EIF2S3B: variants seen among roughly 807,000 people sequenced by gnomAD.
The protein encoded by EIF2S3B is eukaryotic translation initiation factor 2 subunit 3B.
A neutral mutation model predicts 26.4 loss-of-function variants in EIF2S3B; 16 were observed. That is an observed-to-expected ratio of 0.61 (90% CI 0.41 to 0.92). EIF2S3B has a LOEUF of 0.92. Ranked by LOEUF, EIF2S3B falls within the 40% of genes least tolerant of loss-of-function variation. EIF2S3B has a pLI of 0.00. For missense variants in EIF2S3B, 510 were observed against 575.5 expected (o/e 0.89, Z 1.16); for synonymous variants, 183 against 204.4 (o/e 0.90, Z 0.89).
chr12:10,520,175 C>T (rs1864814885), intron 1 of EIF2S3B, among the ~76,000 whole-genome samples: 1 of 151,428 alleles, frequency 6.6e-6, no homozygotes, highest in Non-Finnish European at 1.5e-5. Context: ...GAATACTATG[C>T]AGCCATAAAA....
At chr12:10,515,052 T>A (rs1288851741) in intron 1 of EIF2S3B, among the ~76,000 whole-genome samples, 1 of 152,070 alleles carries the variant, frequency 6.6e-6, no homozygotes, top group Admixed American at 6.6e-5. Flanking sequence ...CCAAATCAAT[T>A]TCTAGCCACA....
chr12:10,518,160 T>C (rs1482952145), intron 1 of EIF2S3B, among the ~76,000 whole-genome samples: 3 of 152,140 alleles, frequency 2.0e-5, no homozygotes, highest in African/African-American at 7.2e-5. Flanking sequence ...AATTCCTGGG[T>C]ATACTTGTTA....
intron 1 of EIF2S3B, among the ~76,000 whole-genome samples, chr12:10,522,039 T>C (rs1864837942): frequency 6.6e-6 from 1 of 152,252 alleles, no homozygotes; most frequent in Non-Finnish European, 1.5e-5. Context: ...ATGTTAATAT[T>C]ATACTAAAAC....
exon 2 of EIF2S3B, chr12:10,522,717 G>GA (rs1382793470): frequency 1.5e-6 from 1 of 681,806 alleles, no homozygotes; most frequent in Non-Finnish European, 2.7e-6. Flanking sequence ...TTTCTTTAAA[G>GA]AAAAAAGACA....
chr12:10,513,807 G>C (rs1196787410), intron 1 of EIF2S3B, among the ~76,000 whole-genome samples: 1 of 152,160 alleles, frequency 6.6e-6, no homozygotes, highest in East Asian at 1.9e-4. Context: ...TTGAGGTCAG[G>C]AGTTCAAGAC....
exon 2 of EIF2S3B, chr12:10,522,888 T>C: frequency 9.4e-6 from 4 of 425,070 alleles, no homozygotes; most frequent in Non-Finnish European, 1.7e-5. Context: ...ATGTTTATTA[T>C]TTATATCAGT....
At chr12:10,512,930 T>C (rs74241103), downstream of EIF2S3B, among the ~76,000 whole-genome samples, 53 of 152,328 alleles carry the variant, frequency 3.5e-4, no homozygotes, top group East Asian at 4.0e-3. Flanking sequence ...TCACAATATT[T>C]CATTCATAAG....
Position 10,507,927 on chromosome 12 carries a change from C to A in EIF2S3B, c.*606C>A, listed in dbSNP as rs59481893. On this transcript the variant is annotated 3_prime_UTR_variant, in exon 1 of 1. Coordinates refer to ENST00000538173, the MANE Select transcript of EIF2S3B (RefSeq NM_001357734.3). ...GAAATGAAACTTTGCCACAACCAGC[C>A]TTTGCTGTAGCACACACATATATCA... 0.039 allele frequency among the ~76,000 whole-genome samples: 5,949 copies of A among 152,254 alleles called. 398 individuals carry two copies. The highest frequency in any genetic ancestry group is 0.13 in the African/African-American group (5,585 of 41,514).
downstream of EIF2S3B, among the ~76,000 whole-genome samples, chr12:10,512,148 A>G (rs141252444): frequency 1.4e-3 from 213 of 152,312 alleles, 1 homozygote; most frequent in African/African-American, 4.8e-3. Context: ...CCTTATAACT[A>G]ATCAATTATC....
rs1464562004 is a variant in EIF2S3B at position 10,506,248 on chromosome 12, G to T, written c.346G>T (p.Asp116Tyr). Residue 116 changes from aspartate (D) to tyrosine (Y), a missense_variant, in exon 1 of 1, where the codon GAC becomes TAC. By Grantham distance (160) the Asp-to-Tyr change is radical (BLOSUM62 -3). Coordinates refer to ENST00000538173, the MANE Select transcript of EIF2S3B (RefSeq NM_001357734.3). ...GSSMPDEFPT[D>Y]IPGTKGNFRL... ...CAGTATGCCTGATGAGTTTCCTACA[G>T]ACATTCCAGGAACCAAAGGGAACTT... The T allele has an allele frequency of 6.2e-7, 1 of 1,609,644 alleles. No individual in the cohort carries two copies. The highest frequency in any genetic ancestry group is 1.7e-5 in the Admixed American group (1 of 59,998).
rs11053826 is a variant in EIF2S3B, at chr12:10,506,629, A to T, written c.727A>T (p.Ile243Phe). Reference sequence around the variant, plus strand: ...TGTTTGTGAGTACATAGTAAAGAAAATTCCAGTACCCCCAAGAGACTTTAC... The same window carrying T: ...TGTTTGTGAGTACATAGTAAAGAAATTTCCAGTACCCCCAAGAGACTTTAC... ...EVVCEYIVKK[I>F]PVPPRDFTSE... Residue 243 changes from isoleucine (I) to phenylalanine (F), a missense_variant, in exon 1 of 1, where the codon ATT (isoleucine) becomes TTT (phenylalanine). Physicochemically the swap from Ile to Phe is conservative, Grantham distance 21. Coordinates refer to ENST00000538173, the MANE Select transcript of EIF2S3B (RefSeq NM_001357734.3). 0.22 allele frequency: 361,313 copies of T among 1,609,826 alleles called. 43,030 individuals are homozygous for T. Among genetic ancestry groups the T allele is most frequent in the Middle Eastern group, 0.26 (1,556 of 6,050 alleles).
In EIF2S3B at chr12:10,508,212, C is replaced by T. The variant is rs1431165022; in HGVS notation, c.*891C>T. ...GAAATTGTCCTTTAGAGCATGATTA[C>T]TTGTTCCCATGGGCAAATAATTTTC... On this transcript the variant is annotated 3_prime_UTR_variant, in exon 1 of 1. Coordinates refer to ENST00000538173, the MANE Select transcript of EIF2S3B (RefSeq NM_001357734.3). 6.6e-6 allele frequency among the ~76,000 whole-genome samples: 1 copy of T among 152,122 alleles called. No individual in the cohort carries two copies. The highest frequency in any genetic ancestry group is 1.5e-5 in the Non-Finnish European group (1 of 68,020).
intron 1 of EIF2S3B, among the ~76,000 whole-genome samples, chr12:10,521,505 G>C (rs1864832604): frequency 6.6e-6 from 1 of 151,786 alleles, no homozygotes; most frequent in Admixed American, 6.6e-5. Context: ...GTGTATATAT[G>C]TACATATCTA....
At chr12:10,514,943 T>C (rs955623673) in intron 1 of EIF2S3B, among the ~76,000 whole-genome samples, 2 of 152,120 alleles carry the variant, frequency 1.3e-5, no homozygotes, top group African/African-American at 2.4e-5. Flanking sequence ...GTCATATTGG[T>C]CCTTCACTTA....
chr12:10,506,652 T>A lies in EIF2S3B; in HGVS notation c.750T>A (p.Phe250Leu). The change falls in exon 1 of 1, where the codon TTT becomes TTA. Residue 250 changes from phenylalanine to leucine, a missense_variant. Coordinates refer to ENST00000538173, the MANE Select transcript of EIF2S3B (RefSeq NM_001357734.3). The part of the protein sequence containing the change: ...VKKIPVPPRD[F>L]TSEPRLIVIR... ...AAATTCCAGTACCCCCAAGAGACTT[T>A]ACTTCAGAGCCCCGGCTTATTGTTA... The A allele has an allele frequency of 6.2e-7, 1 of 1,613,814 alleles. No individual in the cohort carries two copies. Among genetic ancestry groups the A allele is most frequent in the South Asian group, 1.1e-5 (1 of 91,068 alleles).
chr12:10,514,082 AT>A (rs1052601993), intron 1 of EIF2S3B, among the ~76,000 whole-genome samples: 1 of 151,914 alleles, frequency 6.6e-6, no homozygotes, highest in East Asian at 1.9e-4. Context: ...TGCTTGGTAA[AT>A]TTTTTTTCTT....
At chr12:10,512,026 A>G (rs1176769682), downstream of EIF2S3B, among the ~76,000 whole-genome samples, 2 of 152,200 alleles carry the variant, frequency 1.3e-5, no homozygotes, top group African/African-American at 4.8e-5. Flanking sequence ...AACGTTCCCA[A>G]TTATAACAAA....
rs749427752 is a variant in EIF2S3B at position 10,507,212 on chromosome 12, T to C, written c.1310T>C (p.Val437Ala). The change falls in exon 1 of 1, where the codon GTA (valine) becomes GCA (alanine). Residue 437 changes from valine (V) to alanine (A), a missense_variant. By Grantham distance (64) the Val-to-Ala change is moderately conservative. Coordinates refer to ENST00000538173, the MANE Select transcript of EIF2S3B (RefSeq NM_001357734.3). ...IVLTNPVCTEVGEKIALSRRV... is the reference protein window; with the variant it reads ...IVLTNPVCTEAGEKIALSRRV... ...TTGACCAATCCAGTGTGCACAGAGGTAGGAGAAAAAATTGCCCTTAGCCGA... is the reference window on the plus strand; with the variant it reads ...TTGACCAATCCAGTGTGCACAGAGGCAGGAGAAAAAATTGCCCTTAGCCGA... 7 of 1,613,752 alleles carry C rather than the reference T, an allele frequency of 4.3e-6. No homozygotes were observed. The highest frequency in any genetic ancestry group is 5.9e-6 in the Non-Finnish European group (7 of 1,179,800).
At chr12:10,514,156 G>A (rs1245690290) in intron 1 of EIF2S3B, among the ~76,000 whole-genome samples, 1 of 151,930 alleles carries the variant, frequency 6.6e-6, no homozygotes, top group Non-Finnish European at 1.5e-5. Flanking sequence ...TGGCCAATAG[G>A]TTTTAGCCAT....
Sources: gnomAD v4.1 joint callset for allele counts (sites outside exome capture counted in the v4.1 genomes callset) on GRCh38, gnomAD v4.1.1 for gene constraint, MANE v1.5 for transcripts, NCBI Gene and HGNC (gene_info 2026-07-23, HGNC 2026-07-21) for gene names.